Variants in RTF1 observed in about 807,000 individuals in gnomAD.
RTF1 encodes the protein RNA polymerase-associated protein RTF1 homolog.
A neutral mutation model predicts 95.7 loss-of-function variants in RTF1; 10 were observed. The ratio of observed to expected loss-of-function variants is 0.10; its 90% CI spans 0.06 to 0.18. The LOEUF (loss-of-function observed/expected upper bound fraction) is 0.18, where lower values mean the gene tolerates loss of function less well. Ranked by LOEUF, RTF1 falls within the 10% of genes least tolerant of loss-of-function variation. RTF1 has a pLI of 1.00. For synonymous variants in RTF1, 305 were observed against 311.8 expected (o/e 0.98, Z 0.23); for missense variants, 458 against 875.6 (o/e 0.52, Z 6.02).
chr15:41,452,851 A>G (rs1028871239), intron 2 of RTF1, 50 bp from the exon 3 acceptor site: 20 of 1,376,410 alleles, frequency 1.5e-5, no homozygotes, highest in Non-Finnish European at 1.8e-5. Flanking sequence ...GCTTTTCCCA[A>G]TAAAGTCCCT....
At chr15:41,425,194 C>T (rs936750261) in intron 1 of RTF1, among the ~76,000 whole-genome samples, 11 of 152,106 alleles carry the variant, frequency 7.2e-5, no homozygotes, top group South Asian at 6.2e-4. Context: ...CTTCGCCTCC[C>T]GGGTTCATAC....
chr15:41,477,030 A>G (rs1351309332), intron 12 of RTF1, 135 bp from the exon 13 acceptor site: 4 of 1,077,814 alleles, frequency 3.7e-6, no homozygotes, highest in Admixed American at 3.8e-5. Flanking sequence ...AAGTACTTCT[A>G]CAGTATTCTT....
chr15:41,463,702 C>T (rs1258923686), intron 4 of RTF1, among the ~76,000 whole-genome samples: 1 of 152,006 alleles, frequency 6.6e-6, no homozygotes, highest in African/African-American at 2.4e-5. Flanking sequence ...GGCTAGTCTC[C>T]AACTCCTGGA....
intron 2 of RTF1, among the ~76,000 whole-genome samples, chr15:41,441,103 C>T (rs1240047132): frequency 6.6e-6 from 1 of 151,576 alleles, no homozygotes; most frequent in Non-Finnish European, 1.5e-5. Context: ...TCCCAAATAG[C>T]TGGGACTACA....
At chr15:41,477,133 A>C in intron 12 of RTF1, 32 bp from the exon 13 acceptor site, 1 of 1,614,100 alleles carries the variant, frequency 6.2e-7, no homozygotes, top group Admixed American at 1.7e-5. Context: ...GTATGTAGCC[A>C]AGAACGAACT....
intron 1 of RTF1, among the ~76,000 whole-genome samples, chr15:41,429,826 C>T (rs912117649): frequency 1.3e-5 from 2 of 151,888 alleles, no homozygotes; most frequent in African/African-American, 2.4e-5. Context: ...TGCAGATAGC[C>T]CCTGCACTCA....
chr15:41,435,226 C>G (rs959267085), intron 1 of RTF1, among the ~76,000 whole-genome samples: 2 of 152,176 alleles, frequency 1.3e-5, no homozygotes, highest in African/African-American at 4.8e-5. Flanking sequence ...ATTAGATCTT[C>G]TCTGTATCAG....
chr15:41,456,572 G>A (rs548134805), intron 3 of RTF1, among the ~76,000 whole-genome samples: 119 of 151,848 alleles, frequency 7.8e-4, no homozygotes, highest in South Asian at 1.9e-3. Flanking sequence ...CAAGGCGAGC[G>A]GATCACTTGA....
intron 1 of RTF1, among the ~76,000 whole-genome samples, chr15:41,434,851 A>T (rs954848188): frequency 1.5e-4 from 22 of 151,278 alleles, no homozygotes; most frequent in Admixed American, 1.4e-3. Flanking sequence ...ATGGTCTCGA[A>T]CTCCTGACCT....
rs976891894 is a variant in RTF1, at chr15:41,438,379, T to A, written c.257T>A (p.Val86Glu). ...GACTCTGAGGAGAAGGAGCCGCCTG[T>A]GAGTCAGCCTGCAGCCTCGTCAGAC... ...RSDSEEKEPP[V>E]SQPAASSDSE... The change falls in exon 2 of 18, where the codon GTG becomes GAG. Residue 86 changes from valine to glutamate, a missense_variant. Coordinates refer to ENST00000389629, the MANE Select transcript of RTF1 (RefSeq NM_015138.5). 1.3e-6 allele frequency: 2 copies of A among 1,551,394 alleles called. No individual in the cohort carries two copies. The highest frequency in any genetic ancestry group is 1.7e-6 in the Non-Finnish European group (2 of 1,146,758).
At chr15:41,471,406 T>C in intron 8 of RTF1, 57 bp downstream of exon 8, 1 of 1,525,544 alleles carries the variant, frequency 6.6e-7, no homozygotes, top group Non-Finnish European at 8.9e-7. Flanking sequence ...TAGTCTCAAC[T>C]GAGGGCAGGA....
rs148078439 is a variant in RTF1, at chr15:41,451,358, G to A, written c.310-1543G>A. On this transcript the variant is annotated intron_variant, in intron 2 of 17. Coordinates refer to ENST00000389629, the MANE Select transcript of RTF1 (RefSeq NM_015138.5). Reference sequence around the variant, plus strand: ...TTTTAAGTTGGCAAGTTAAAATATCGAAGGAGATATGGTTTAATGTAACTA... The same window carrying A: ...TTTTAAGTTGGCAAGTTAAAATATCAAAGGAGATATGGTTTAATGTAACTA... Among the ~76,000 whole-genome samples the A allele has an allele frequency of 2.5e-3, 376 of 152,220 alleles. 1 individual carries two copies. The highest frequency in any genetic ancestry group is 8.6e-3 in the African/African-American group (356 of 41,530).
At chr15:41,420,171 T>G (rs1463297598) in intron 1 of RTF1, among the ~76,000 whole-genome samples, 1 of 152,128 alleles carries the variant, frequency 6.6e-6, no homozygotes, top group Non-Finnish European at 1.5e-5. Flanking sequence ...AAAAGGAAAT[T>G]AACATAAAAT....
At chr15:41,429,817 G>A (rs907748268) in intron 1 of RTF1, among the ~76,000 whole-genome samples, 2 of 151,726 alleles carry the variant, frequency 1.3e-5, no homozygotes, top group African/African-American at 4.8e-5. Context: ...CCACCCTACT[G>A]CAGATAGCCC....
intron 2 of RTF1, among the ~76,000 whole-genome samples, chr15:41,450,938 C>G (rs773147376): frequency 6.6e-6 from 1 of 151,940 alleles, no homozygotes; most frequent in Admixed American, 6.6e-5. Flanking sequence ...GGGTGACAAA[C>G]GAGACCCTGG....
At chr15:41,441,058 G>A (rs765047404) in intron 2 of RTF1, among the ~76,000 whole-genome samples, 23 of 137,582 alleles carry the variant, frequency 1.7e-4, no homozygotes, top group Admixed American at 6.5e-4. Flanking sequence ...TGCAAGCTCC[G>A]CCTCCTGGGC....
At chr15:41,424,172 G>C (rs767440823) in intron 1 of RTF1, among the ~76,000 whole-genome samples, 1 of 152,330 alleles carries the variant, frequency 6.6e-6, no homozygotes, top group East Asian at 1.9e-4. Flanking sequence ...AGAGAGATGA[G>C]GTGGGGAGAT....
intron 10 of RTF1, 33 bp downstream of exon 10, chr15:41,475,645 G>C (rs747269033): frequency 6.2e-7 from 1 of 1,603,614 alleles, no homozygotes; most frequent in South Asian, 1.1e-5. Flanking sequence ...GCAGTTGTTC[G>C]TGCACGTTGA....
intron 2 of RTF1, among the ~76,000 whole-genome samples, chr15:41,447,090 A>G (rs1302065142): frequency 6.6e-6 from 1 of 152,166 alleles, no homozygotes; most frequent in East Asian, 1.9e-4. Flanking sequence ...GGCATGAGCC[A>G]CCACGCCCAG....
Sources: gnomAD v4.1 joint callset for allele counts (sites outside exome capture counted in the v4.1 genomes callset) on GRCh38, gnomAD v4.1.1 for gene constraint, MANE v1.5 for transcripts, NCBI Gene and HGNC (gene_info 2026-07-23, HGNC 2026-07-21) for gene names.